ANKAR: variants seen among roughly 807,000 people sequenced by gnomAD.
ANKAR encodes ankyrin and armadillo repeat containing, also known as ankyrin and armadillo repeat-containing protein.
A neutral mutation model predicts 146.2 loss-of-function variants in ANKAR; 136 were observed. The ratio of observed to expected loss-of-function variants is 0.93; its 90% CI spans 0.81 to 1.07. ANKAR has a LOEUF of 1.07. ANKAR is among the 50% of genes least tolerant of loss of function. The pLI, the probability that ANKAR is intolerant of heterozygous loss-of-function variation, is 0.00. For missense variants in ANKAR, 1,567 were observed against 1,679.9 expected, an observed-to-expected ratio of 0.93 and a Z score of 1.18; for synonymous variants, 500 against 575.8, an observed-to-expected ratio of 0.87 and a Z score of 1.88.
chr2:189,743,556 G>T lies in ANKAR; in HGVS notation c.4010+82G>T. 2.4e-6 allele frequency: 3 copies of T among 1,255,234 alleles called. No homozygotes were observed. In the South Asian group the frequency reaches 4.2e-5, roughly 18 times the overall value. The allele number at this position is 1,255,234 out of a possible 1,614,324, so 77.8% of individuals were successfully genotyped here. On this transcript the variant is annotated intron_variant, in intron 21 of 22. Coordinates refer to ENST00000684021, the MANE Select transcript of ANKAR (RefSeq NM_001378068.1). ...TGAGGTTTAGTAAGATCCAACAAGA[G>T]GAACTATTCTTGATATGAACATATC...
chr2:189,733,642 A>C (rs2042597427), intron 17 of ANKAR, among the ~76,000 whole-genome samples: 1 of 152,120 alleles, frequency 6.6e-6, no homozygotes, highest in Admixed American at 6.6e-5. Flanking sequence ...TAACTTTAAA[A>C]ATTTTGAAAT....
At chr2:189,756,283 C>G (rs1163106988) in intron 18 of ANKAR, among the ~76,000 whole-genome samples, 1 of 152,112 alleles carries the variant, frequency 6.6e-6, no homozygotes, top group Admixed American at 6.5e-5. Context: ...TGGATGGCCA[C>G]TCCAAATATC....
At chr2:189,739,675 T>A (rs980215328) in intron 19 of ANKAR, among the ~76,000 whole-genome samples, 1 of 151,828 alleles carries the variant, frequency 6.6e-6, no homozygotes, top group Non-Finnish European at 1.5e-5. Context: ...GCGATTCTCC[T>A]GCCTCAGCCT....
intron 6 of ANKAR, 58 bp from the exon 7 acceptor site, chr2:189,696,092 C>T: frequency 6.6e-7 from 1 of 1,514,852 alleles, no homozygotes; most frequent in South Asian, 1.2e-5. Context: ...GTATTTTTTT[C>T]CTTAAACCAA....
At chr2:189,740,066 G>C (rs1283834217) in intron 19 of ANKAR, among the ~76,000 whole-genome samples, 1 of 152,116 alleles carries the variant, frequency 6.6e-6, no homozygotes, top group African/African-American at 2.4e-5. Context: ...GATGTGCTTG[G>C]TGTCAAGTTG....
chr2:189,694,908 G>A, intron 5 of ANKAR, 73 bp from the exon 6 acceptor site: 1 of 978,168 alleles, frequency 1.0e-6, no homozygotes, highest in East Asian at 2.8e-5. Context: ...TAAAAGTTTT[G>A]CCAGCATAGA....
chr2:189,726,248 A>G (rs967838806), intron 12 of ANKAR, among the ~76,000 whole-genome samples: 8 of 152,216 alleles, frequency 5.3e-5, no homozygotes, highest in African/African-American at 1.9e-4. Context: ...CTGGGTGATC[A>G]AAATTAACAT....
At chr2:189,742,353 T>A (rs1294524956) in intron 20 of ANKAR, among the ~76,000 whole-genome samples, 1 of 152,208 alleles carries the variant, frequency 6.6e-6, no homozygotes, top group Admixed American at 6.5e-5. Flanking sequence ...ATGAAACTTT[T>A]TATGCTACTA....
intron 18 of ANKAR, among the ~76,000 whole-genome samples, chr2:189,758,148 C>T (rs1475768798): frequency 6.6e-6 from 1 of 151,998 alleles, no homozygotes; most frequent in Non-Finnish European, 1.5e-5. Flanking sequence ...TTTGGGAGGC[C>T]GAGGTGGGTG....
At chr2:189,722,621 G>A (rs370469756) in intron 12 of ANKAR, among the ~76,000 whole-genome samples, 36 of 151,972 alleles carry the variant, frequency 2.4e-4, no homozygotes, top group African/African-American at 8.0e-4. Context: ...GGTAGCTCAC[G>A]CCTGTAATCC....
intron 18 of ANKAR, chr2:189,754,288 TC>T: frequency 6.2e-7 from 1 of 1,613,824 alleles, no homozygotes; most frequent in Non-Finnish European, 8.5e-7. Context: ...TCTATGGCTT[TC>T]CCACCACTCA....
chr2:189,724,941 T>C (rs964229898), intron 12 of ANKAR, among the ~76,000 whole-genome samples: 1 of 152,068 alleles, frequency 6.6e-6, no homozygotes, highest in Non-Finnish European at 1.5e-5. Context: ...AAAAAATGAA[T>C]ACAAATAATT....
chr2:189,689,185 T>A (rs1172352209), intron 2 of ANKAR, among the ~76,000 whole-genome samples: 1 of 152,210 alleles, frequency 6.6e-6, no homozygotes, highest in Non-Finnish European at 1.5e-5. Flanking sequence ...GAGTCTGTTC[T>A]GTCAGTCTTA....
downstream of ANKAR, chr2:189,761,314 A>G: frequency 8.2e-7 from 1 of 1,219,100 alleles, no homozygotes; most frequent in Non-Finnish European, 1.1e-6. Flanking sequence ...TGTTTGCAAA[A>G]AGGAATAAGA....
chr2:189,743,906 G>A lies in ANKAR; in HGVS notation c.4010+432G>A, dbSNP rs190444801. ...CCAGGGTGGAAACAGGGCTAAATTA[G>A]ACTTAGTGGTTAGTTACAGTGAAGT... On this transcript the variant is annotated intron_variant, in intron 21 of 22. Coordinates refer to ENST00000684021, the MANE Select transcript of ANKAR (RefSeq NM_001378068.1). 1.4e-4 allele frequency among the ~76,000 whole-genome samples: 21 copies of A among 152,310 alleles called. No homozygotes were observed. In the East Asian group the frequency reaches 3.9e-3, roughly 28 times the overall value.
intron 10 of ANKAR, among the ~76,000 whole-genome samples, chr2:189,715,941 A>AAAT (rs2040406538): frequency 1.3e-5 from 2 of 152,186 alleles, no homozygotes; most frequent in African/African-American, 2.4e-5. Context: ...ATGTATCTCA[A>AAAT]AATAATAAGA....
intron 10 of ANKAR, among the ~76,000 whole-genome samples, chr2:189,715,713 A>G (rs778610687): frequency 1.2e-4 from 18 of 152,358 alleles, no homozygotes; most frequent in Middle Eastern, 3.4e-3. Flanking sequence ...AACTGAATCC[A>G]GCAGCACATT....
At chr2:189,754,252 A>G (rs2106000660) in intron 18 of ANKAR, 1 of 1,613,884 alleles carries the variant, frequency 6.2e-7, no homozygotes, top group East Asian at 2.2e-5. Context: ...TCAAAATGAA[A>G]TCTATTTCCT....
chr2:189,707,205 A>G, intron 9 of ANKAR, 59 bp downstream of exon 9: 1 of 881,572 alleles, frequency 1.1e-6, no homozygotes, highest in Non-Finnish European at 1.6e-6. Flanking sequence ...AGTTATTGAT[A>G]CTCTGAAAGA....
Sources: gnomAD v4.1 joint callset for allele counts (sites outside exome capture counted in the v4.1 genomes callset) on GRCh38, gnomAD v4.1.1 for gene constraint, MANE v1.5 for transcripts, NCBI Gene and HGNC (gene_info 2026-07-23, HGNC 2026-07-21) for gene names.